RYR3: variants seen among roughly 807,000 people sequenced by gnomAD.
The protein encoded by RYR3 is brain ryanodine receptor-calcium release channel.
RYR3 carries 207 observed loss-of-function variants against 584.3 expected under a neutral mutation model. The ratio of observed to expected loss-of-function variants is 0.35; its 90% CI spans 0.32 to 0.40. The LOEUF (loss-of-function observed/expected upper bound fraction) is 0.40. Among genes scored for constraint, RYR3 ranks in the 10% least tolerant of loss-of-function variants. The pLI is 1.00. For synonymous variants in RYR3, 2,416 were observed against 2,248.5 expected (o/e 1.07, Z -2.11); for missense variants, 5,616 against 6,089.2 (o/e 0.92, Z 2.59).
At chr15:33,547,897 AT>A (rs1171946280) in intron 8 of RYR3, among the ~76,000 whole-genome samples, 4 of 152,170 alleles carry the variant, frequency 2.6e-5, no homozygotes, top group African/African-American at 9.7e-5. Context: ...TGATGCATAA[AT>A]GCCCATGATA....
intron 64 of RYR3, among the ~76,000 whole-genome samples, chr15:33,777,606 G>A (rs1232106950): frequency 6.6e-6 from 1 of 152,070 alleles, no homozygotes; most frequent in East Asian, 1.9e-4. Flanking sequence ...AGCTTGTGGA[G>A]TGGTCAGGTT....
intron 10 of RYR3, among the ~76,000 whole-genome samples, chr15:33,555,405 TG>T (rs1595571867): frequency 1.3e-5 from 2 of 152,298 alleles, no homozygotes; most frequent in East Asian, 3.9e-4. Flanking sequence ...TTCAAATGCC[TG>T]AAGACAACAT....
At chr15:33,745,076 TG>T (rs1186995951) in intron 52 of RYR3, among the ~76,000 whole-genome samples, 2 of 151,748 alleles carry the variant, frequency 1.3e-5, no homozygotes, top group Admixed American at 6.6e-5. Context: ...AGCAGGGAAG[TG>T]GGTGAGAGAG....
chr15:33,530,793 T>A, intron 4 of RYR3, 127 bp downstream of exon 4: 1 of 706,744 alleles, frequency 1.4e-6, no homozygotes, highest in East Asian at 2.7e-5. Flanking sequence ...TTTTAGCACG[T>A]TATCCTCTTG....
At chr15:33,635,395 A>G (rs1341497796) in intron 25 of RYR3, among the ~76,000 whole-genome samples, 2 of 152,346 alleles carry the variant, frequency 1.3e-5, no homozygotes, top group South Asian at 4.1e-4. Flanking sequence ...AGTGGTCTCT[A>G]AAGGATCTAC....
intron 1 of RYR3, among the ~76,000 whole-genome samples, chr15:33,415,621 A>C (rs923705942): frequency 2.6e-5 from 4 of 152,218 alleles, no homozygotes; most frequent in Non-Finnish European, 5.9e-5. Flanking sequence ...CCGTGAGACC[A>C]CTGAGTGGGC....
intron 1 of RYR3, among the ~76,000 whole-genome samples, chr15:33,428,415 C>T (rs1008568719): frequency 1.3e-5 from 2 of 152,146 alleles, no homozygotes; most frequent in African/African-American, 4.8e-5. Flanking sequence ...TTTTGTACTT[C>T]GAAGATTTTA....
At chr15:33,615,036 T>C (rs1243986194) in intron 19 of RYR3, among the ~76,000 whole-genome samples, 1 of 152,180 alleles carries the variant, frequency 6.6e-6, no homozygotes, top group Non-Finnish European at 1.5e-5. Flanking sequence ...AACCACGTTA[T>C]TCATTTTAAT....
At chr15:33,341,187 C>T (rs995449530) in intron 1 of RYR3, among the ~76,000 whole-genome samples, 7 of 152,052 alleles carry the variant, frequency 4.6e-5, no homozygotes, top group African/African-American at 1.7e-4. Context: ...TACAGGTGCG[C>T]CCCACTGCAC....
intron 3 of RYR3, among the ~76,000 whole-genome samples, chr15:33,514,312 C>T (rs1361067878): frequency 6.6e-6 from 1 of 152,184 alleles, no homozygotes; most frequent in Non-Finnish European, 1.5e-5. Context: ...GTGCTCCAGA[C>T]CCCGTTTCTC....
At position 33,824,434 on chromosome 15, in the gene RYR3, G is replaced by T. The variant is rs558423957; in HGVS notation, c.11073-1169G>T. On this transcript the variant is annotated intron_variant, in intron 81 of 103. Coordinates refer to ENST00000634891, the MANE Select transcript of RYR3 (RefSeq NM_001036.6). ...TGAGTAAGGATCAGAAATGTGTGTT[G>T]CATAGATTCAGATTCAAAACTGCTG... Among the ~76,000 whole-genome samples, 9 of 152,304 alleles carry T rather than the reference G, an allele frequency of 5.9e-5. No homozygotes were observed. The East Asian group carries it at 1.7e-3, about 29-fold the overall frequency.
chr15:33,483,167 A>G (rs1044431424), intron 2 of RYR3, among the ~76,000 whole-genome samples: 1 of 151,708 alleles, frequency 6.6e-6, no homozygotes, highest in Admixed American at 6.6e-5. Flanking sequence ...TTTCTCCTCC[A>G]TTATTCTTTC....
chr15:33,578,505 G>A (rs551125545), intron 12 of RYR3, among the ~76,000 whole-genome samples: 1 of 152,066 alleles, frequency 6.6e-6, no homozygotes, highest in South Asian at 2.1e-4. Flanking sequence ...ACTAATTCGG[G>A]AACAGAAAAC....
In RYR3 at chr15:33,818,632, C is replaced by G. The variant is rs755221573; in HGVS notation, c.10654C>G (p.Pro3552Ala). Residue 3552 changes from proline (P) to alanine (A), a missense_variant, in exon 76 of 104, where the codon CCA becomes GCA. Physicochemically the swap from Pro to Ala is conservative, Grantham distance 27. Coordinates refer to ENST00000634891, the MANE Select transcript of RYR3 (RefSeq NM_001036.6). ...GGAAGAGACAGAAAAACAACCTGAC[C>G]CACTACATCAGATCATTCTCTATTT... ...EEEETEKQPD[P>A]LHQIILYFSR... 5.4e-5 allele frequency: 87 copies of G among 1,613,810 alleles called. No homozygotes were observed. The highest frequency in any genetic ancestry group is 6.9e-5 in the Non-Finnish European group (82 of 1,179,870).
intron 1 of RYR3, among the ~76,000 whole-genome samples, chr15:33,347,083 A>G (rs926882134): frequency 3.9e-5 from 6 of 152,178 alleles, no homozygotes; most frequent in Non-Finnish European, 8.8e-5. Context: ...TCATGGGTCC[A>G]TATTATCAAT....
At chr15:33,625,920 A>G (rs2060961176) in intron 20 of RYR3, among the ~76,000 whole-genome samples, 1 of 152,136 alleles carries the variant, frequency 6.6e-6, no homozygotes, top group South Asian at 2.1e-4. Flanking sequence ...ATCCTGTATC[A>G]TTTGTTTTTC....
chr15:33,773,722 C>T (rs2152891479), intron 64 of RYR3, 107 bp downstream of exon 64: 1 of 757,266 alleles, frequency 1.3e-6, no homozygotes, highest in East Asian at 2.7e-5. Flanking sequence ...CCAAAATGCT[C>T]ACTGATACAG....
intron 1 of RYR3, among the ~76,000 whole-genome samples, chr15:33,428,635 A>T (rs2044853951): frequency 6.6e-6 from 1 of 152,226 alleles, no homozygotes; most frequent in Non-Finnish European, 1.5e-5. Flanking sequence ...GAGCAAAAAA[A>T]TAAAAAACTT....
At chr15:33,710,686 G>A (rs1488256540) in intron 43 of RYR3, among the ~76,000 whole-genome samples, 2 of 152,180 alleles carry the variant, frequency 1.3e-5, no homozygotes, top group Non-Finnish European at 2.9e-5. Context: ...TACATCCTCT[G>A]AAATCTAGGT....
Sources: gnomAD v4.1 joint callset for allele counts (sites outside exome capture counted in the v4.1 genomes callset) on GRCh38, gnomAD v4.1.1 for gene constraint, MANE v1.5 for transcripts, NCBI Gene and HGNC (gene_info 2026-07-23, HGNC 2026-07-21) for gene names.